ARHGEF33: variants seen among roughly 807,000 people sequenced by gnomAD.
The protein encoded by ARHGEF33 is DH and coiled-coil domain-containing protein ENSP00000381780.
A neutral mutation model predicts 101.9 loss-of-function variants in ARHGEF33; 72 were observed. That is an observed-to-expected ratio of 0.71 (90% CI 0.58 to 0.86). The LOEUF (loss-of-function observed/expected upper bound fraction) is 0.86. Ranked by LOEUF, ARHGEF33 falls within the 40% of genes least tolerant of loss-of-function variation. ARHGEF33 has a pLI of 0.00. For missense variants in ARHGEF33, 1,169 were observed against 1,111.3 expected (o/e 1.05, Z -0.74); for synonymous variants, 499 against 442.5 (o/e 1.13, Z -1.60).
rs776933047 is a variant in ARHGEF33 at position 38,951,082 on chromosome 2, C to A, written c.1014C>A (p.Gly338=). 1.2e-5 allele frequency: 18 copies of A among 1,551,814 alleles called. No individual in the cohort carries two copies. Among genetic ancestry groups the A allele is most frequent in the Non-Finnish European group, 1.6e-5 (18 of 1,146,944 alleles). The stretch of plus-strand genomic sequence containing the variant: ...GGGTCCTGAAGTGGCCACGCCAAGG[C>A]GTTCTTGGAGATTTATTCCTTAAGT... ...QERVLKWPRQ[G]VLGDLFLKLT... Residue 338 remains glycine, a synonymous_variant, in exon 11 of 18, where the codon GGC becomes GGA. Transcript: ENST00000409978.
At chr2:38,916,896 GT>G (rs1356945173) in intron 2 of ARHGEF33, among the ~76,000 whole-genome samples, 1 of 151,766 alleles carries the variant, frequency 6.6e-6, no homozygotes, top group African/African-American at 2.4e-5. Context: ...TGCCTCCCAG[GT>G]TCAAGTGATT....
chr2:38,973,922 ATATC>A lies in ARHGEF33; in HGVS notation c.*83_*86del, dbSNP rs1163361629. 2.7e-5 allele frequency: 23 copies of A among 838,182 alleles called. No homozygotes were observed. The highest frequency in any genetic ancestry group is 1.9e-4 in the Admixed American group (4 of 21,046). The allele number at this position is 838,182 out of a possible 1,614,324, so 51.9% of individuals were successfully genotyped here. A position where few individuals can be genotyped will look rare whatever the true frequency, so the allele number is the denominator to read the frequency against. On this transcript the variant is annotated 3_prime_UTR_variant, in exon 18 of 18. Coordinates refer to ENST00000409978, the MANE Select transcript of ARHGEF33 (RefSeq NM_001145451.5). ...TATATCTGTGTAGGAATATATATATATATCTATATCTATATATATATATATATCG... is the reference window on the plus strand; with the variant it reads ...TATATCTGTGTAGGAATATATATATATATATCTATATATATATATATATCG...
intron 1 of ARHGEF33, among the ~76,000 whole-genome samples, chr2:38,893,379 C>T (rs1406677119): frequency 3.9e-5 from 6 of 152,216 alleles, no homozygotes; most frequent in East Asian, 1.9e-4. Context: ...AGGCTGATCT[C>T]GAACTCCTGA....
chr2:38,934,564 C>A (rs1572756634), intron 7 of ARHGEF33, among the ~76,000 whole-genome samples: 1 of 35,880 alleles, frequency 2.8e-5, no homozygotes, highest in African/African-American at 1.2e-4. Context: ...CTTCCTCCCG[C>A]TTCTCTCCCT....
Position 38,957,215 on chromosome 2 carries a change from C to T in ARHGEF33, c.1370+168C>T, listed in dbSNP as rs117457797. Among the ~76,000 whole-genome samples the T allele has an allele frequency of 6.7e-3, 1,019 of 152,288 alleles. 16 individuals carry two copies. The highest frequency in any genetic ancestry group is 0.025 in the East Asian group (130 of 5,182). On this transcript the variant is annotated intron_variant, in intron 14 of 17. Transcript: ENST00000409978. ...TCAGACTGGTTATAGGAGCAAGACA[C>T]TGACTACCCAGTGGAAATTATTTTA...
At chr2:38,953,608 T>A (rs1469901548) in intron 12 of ARHGEF33, among the ~76,000 whole-genome samples, 2 of 152,214 alleles carry the variant, frequency 1.3e-5, no homozygotes, top group African/African-American at 4.8e-5. Context: ...AGTCATCCTT[T>A]GTCAGTTTAT....
At chr2:38,937,259 G>T in intron 8 of ARHGEF33, 76 bp from the exon 9 acceptor site, 2 of 743,758 alleles carry the variant, frequency 2.7e-6, no homozygotes, top group South Asian at 1.7e-5. Flanking sequence ...CTCCGAAAGT[G>T]GTAACAAACA....
intron 1 of ARHGEF33, among the ~76,000 whole-genome samples, chr2:38,890,820 A>G (rs1386040596): frequency 6.6e-6 from 1 of 152,192 alleles, no homozygotes; most frequent in African/African-American, 2.4e-5. Flanking sequence ...TCCTAGAGAA[A>G]AAAGTTTTTG....
At chr2:38,916,308 C>T (rs1186988223) in intron 2 of ARHGEF33, among the ~76,000 whole-genome samples, 2 of 152,262 alleles carry the variant, frequency 1.3e-5, no homozygotes, top group Non-Finnish European at 2.9e-5. Flanking sequence ...TTTTTAAAGC[C>T]GGATGGCTTT....
At chr2:38,936,208 A>G (rs928936043) in intron 8 of ARHGEF33, among the ~76,000 whole-genome samples, 1 of 152,258 alleles carries the variant, frequency 6.6e-6, no homozygotes, top group Non-Finnish European at 1.5e-5. Context: ...TGTGTAGTGC[A>G]GGTAATAAAG....
intron 1 of ARHGEF33, among the ~76,000 whole-genome samples, chr2:38,891,708 A>G (rs1260363963): frequency 6.6e-6 from 1 of 152,182 alleles, no homozygotes; most frequent in Non-Finnish European, 1.5e-5. Context: ...TCTCAAGGAC[A>G]GTGTGGAAGA....
At chr2:38,932,541 G>A (rs2124386579) in intron 7 of ARHGEF33, among the ~76,000 whole-genome samples, 1 of 152,224 alleles carries the variant, frequency 6.6e-6, no homozygotes, top group East Asian at 1.9e-4. Flanking sequence ...ATTGCAGGTG[G>A]CTCTATTTTC....
intron 6 of ARHGEF33, among the ~76,000 whole-genome samples, chr2:38,930,306 T>C (rs941413478): frequency 6.6e-6 from 1 of 152,082 alleles, no homozygotes; most frequent in Non-Finnish European, 1.5e-5. Context: ...ACATATATAA[T>C]CTTTATTGCT....
intron 17 of ARHGEF33, among the ~76,000 whole-genome samples, chr2:38,971,617 G>C (rs890512593): frequency 2.6e-5 from 4 of 152,140 alleles, no homozygotes; most frequent in Non-Finnish European, 5.9e-5. Flanking sequence ...ATATGTAAGC[G>C]TTATAAAGAG....
At chr2:38,922,913 A>C (rs1666792890) in intron 4 of ARHGEF33, among the ~76,000 whole-genome samples, 1 of 152,138 alleles carries the variant, frequency 6.6e-6, no homozygotes, top group South Asian at 2.1e-4. Context: ...CTAGAAGCAA[A>C]AAACTGGTCT....
chr2:38,921,529 C>T (rs1451945915), intron 4 of ARHGEF33, 106 bp downstream of exon 4: 10 of 772,846 alleles, frequency 1.3e-5, no homozygotes, highest in African/African-American at 5.1e-5. Context: ...CCACATATAT[C>T]GTTGCACTTG....
intron 1 of ARHGEF33, among the ~76,000 whole-genome samples, chr2:38,892,477 G>A (rs911062014): frequency 6.6e-6 from 1 of 152,034 alleles, no homozygotes; most frequent in African/African-American, 2.4e-5. Flanking sequence ...CATAACACCC[G>A]GGCAAAGGAT....
chr2:38,957,872 C>T, intron 14 of ARHGEF33, 162 bp from the exon 15 acceptor site: 1 of 800,364 alleles, frequency 1.2e-6, no homozygotes. Context: ...CCAGCTTGCA[C>T]CCTATTAAGC....
chr2:38,935,492 A>G (rs1396047238), intron 7 of ARHGEF33, among the ~76,000 whole-genome samples: 1 of 152,142 alleles, frequency 6.6e-6, no homozygotes, highest in East Asian at 1.9e-4. Flanking sequence ...ATAGTTAAAC[A>G]ACTATTTAAC....
Sources: allele counts gnomAD v4.1 joint callset (sites outside exome capture counted in the v4.1 genomes callset), GRCh38; gene constraint gnomAD v4.1.1; transcripts MANE v1.5; gene names NCBI Gene and HGNC (gene_info 2026-07-23, HGNC 2026-07-21).